Variants in TMPRSS13 observed in about 807,000 individuals in gnomAD.
TMPRSS13 encodes the protein transmembrane serine protease 13.
In TMPRSS13, 50 loss-of-function variants were observed where a neutral mutation model predicts 68.4. The ratio of observed to expected loss-of-function variants is 0.73; its 90% confidence interval spans 0.58 to 0.93. The LOEUF (loss-of-function observed/expected upper bound fraction) is 0.93. TMPRSS13 is among the 40% of genes least tolerant of loss of function. The pLI is 0.00. For missense variants in TMPRSS13, 615 were observed against 729.2 expected (o/e 0.84, Z 1.80); for synonymous variants, 267 against 285.8 (o/e 0.93, Z 0.66).
intron 5 of TMPRSS13, among the ~76,000 whole-genome samples, chr11:117,913,226 T>C (rs1191369092): frequency 3.9e-5 from 6 of 152,216 alleles, no homozygotes; most frequent in Non-Finnish European, 7.3e-5. Context: ...GGAAGGTCAT[T>C]GCTCACCTAC....
chr11:117,904,368 T>C (rs1471409844), intron 10 of TMPRSS13, among the ~76,000 whole-genome samples: 1 of 152,170 alleles, frequency 6.6e-6, no homozygotes, highest in African/African-American at 2.4e-5. Context: ...CACAAGCCTA[T>C]CAGGCTACCC....
intron 9 of TMPRSS13, chr11:117,907,704 G>C (rs773427950): frequency 2.2e-5 from 16 of 721,604 alleles, no homozygotes; most frequent in Non-Finnish European, 2.5e-5. Context: ...TTCCTCTGCT[G>C]AGCTTCCCCT....
In TMPRSS13 at chr11:117,914,751, G is replaced by A. The variant is rs2057558862; in HGVS notation, c.557-237C>T. ...ATTCAAGCAGCCAGCCACCCAGAAAGAGAGAGAAAGAGAGAGAGAGACAGA... is the reference window on the plus strand; with the variant it reads ...ATTCAAGCAGCCAGCCACCCAGAAAAAGAGAGAAAGAGAGAGAGAGACAGA... On this transcript the variant is annotated intron_variant, in intron 3 of 12. Transcript: ENST00000524993. This position sits in a 1 kb window ranked among gnomAD's most constrained non-coding sequence, Gnocchi z 4.2. 6.6e-6 allele frequency among the ~76,000 whole-genome samples: 1 copy of A among 152,064 alleles called. No individual in the cohort carries two copies. Among genetic ancestry groups the A allele is most frequent in the Admixed American group, 6.5e-5 (1 of 15,272 alleles).
chr11:117,909,681 C>G, intron 8 of TMPRSS13, 125 bp downstream of exon 8: 1 of 1,194,630 alleles, frequency 8.4e-7, no homozygotes, highest in Non-Finnish European at 1.2e-6. Context: ...CCAGTGCCAA[C>G]TGGCCCATGG....
chr11:117,921,543 G>A (rs1357124169), intron 1 of TMPRSS13, among the ~76,000 whole-genome samples: 1 of 152,220 alleles, frequency 6.6e-6, no homozygotes, highest in Non-Finnish European at 1.5e-5. Context: ...GGGTGGGCAG[G>A]TGGGGGGAGG....
At chr11:117,904,848 C>A (rs372665712) in intron 10 of TMPRSS13, among the ~76,000 whole-genome samples, 1 of 126,058 alleles carries the variant, frequency 7.9e-6, no homozygotes, top group South Asian at 2.6e-4. Flanking sequence ...CCACTTAGAG[C>A]TCCTAGATAA....
At chr11:117,926,820 C>T (rs780159006) in intron 1 of TMPRSS13, among the ~76,000 whole-genome samples, 2 of 152,056 alleles carry the variant, frequency 1.3e-5, no homozygotes, top group Non-Finnish European at 2.9e-5. Flanking sequence ...AGGAGCCCAC[C>T]CCAAATTCTA....
At chr11:117,903,492 G>A (rs1397043266) in intron 12 of TMPRSS13, 163 bp downstream of exon 12, 1 of 1,542,786 alleles carries the variant, frequency 6.5e-7, no homozygotes, top group East Asian at 2.4e-5. Context: ...AACACAGACA[G>A]CTGGGATTGA....
chr11:117,902,133 C>A lies in TMPRSS13; in HGVS notation c.*106G>T. Reference sequence around the variant, plus strand: ...GCAGCAGACAGTGGAGGTGGGAGTCCGATGGTGCCCGGTGGCCATTAGCCC... The same window carrying A: ...GCAGCAGACAGTGGAGGTGGGAGTCAGATGGTGCCCGGTGGCCATTAGCCC... On this transcript the variant is annotated 3_prime_UTR_variant, in exon 13 of 13. Coordinates refer to ENST00000524993, the MANE Select transcript of TMPRSS13 (RefSeq NM_001077263.3). The A allele has an allele frequency of 7.8e-7, 1 of 1,281,768 alleles. No individual in the cohort carries two copies. The highest frequency in any genetic ancestry group is 1.2e-5 in the South Asian group (1 of 80,324). The allele number at this position is 1,281,768 out of a possible 1,614,324, so 79.4% of individuals were successfully genotyped here. A position where few individuals can be genotyped will look rare whatever the true frequency, so the allele number is the denominator to read the frequency against.
At chr11:117,916,036 C>T (rs1054974976) in intron 3 of TMPRSS13, among the ~76,000 whole-genome samples, 1 of 152,180 alleles carries the variant, frequency 6.6e-6, no homozygotes, top group East Asian at 1.9e-4. Flanking sequence ...GGCACTAAAG[C>T]CTGCTCTGCC....
intron 5 of TMPRSS13, among the ~76,000 whole-genome samples, chr11:117,913,508 G>T (rs1048997084): frequency 6.6e-6 from 1 of 152,184 alleles, no homozygotes; most frequent in Non-Finnish European, 1.5e-5. Context: ...GGATGTGAGC[G>T]TGCTTTGATG....
intron 5 of TMPRSS13, 90 bp from the exon 6 acceptor site, chr11:117,911,950 C>T (rs926329451): frequency 1.5e-5 from 15 of 1,013,618 alleles, no homozygotes; most frequent in South Asian, 1.1e-4. Context: ...CCAGCCCTGC[C>T]GACAGAGGCC....
chr11:117,904,619 G>A lies in TMPRSS13; in HGVS notation c.1382-518C>T, dbSNP rs117381823. On this transcript the variant is annotated intron_variant, in intron 10 of 12. Transcript: ENST00000524993. ...CTGCCTCACGGAGGGAGGGAAAAGCGGTCCTGATGCATGGAAGTGGCCTGA... is the reference window on the plus strand; with the variant it reads ...CTGCCTCACGGAGGGAGGGAAAAGCAGTCCTGATGCATGGAAGTGGCCTGA... 2.4e-3 allele frequency among the ~76,000 whole-genome samples: 363 copies of A among 152,014 alleles called. 12 individuals carry two copies. In the East Asian group the frequency reaches 0.058, roughly 24 times the overall value.
intron 3 of TMPRSS13, among the ~76,000 whole-genome samples, chr11:117,916,897 T>C (rs1183623006): frequency 6.6e-6 from 1 of 152,032 alleles, no homozygotes; most frequent in Non-Finnish European, 1.5e-5. Context: ...CTCAGGGTGG[T>C]TAACTAACTT....
chr11:117,929,000 T>C (rs763805509), intron 1 of TMPRSS13, among the ~76,000 whole-genome samples: 2 of 151,826 alleles, frequency 1.3e-5, no homozygotes, highest in Non-Finnish European at 2.9e-5. Flanking sequence ...CCGGCAGGAG[T>C]GCTCACAGAC....
chr11:117,904,067 G>A lies in TMPRSS13; in HGVS notation c.1416C>T (p.Val472=). 1 of 1,614,118 alleles carries A rather than the reference G, an allele frequency of 6.2e-7. No homozygotes were observed. The highest frequency in any genetic ancestry group is 8.5e-7 in the Non-Finnish European group (1 of 1,180,002). The change falls in exon 11 of 13, where the codon GTC becomes GTT. Residue 472 remains valine (V), a synonymous_variant. Coordinates refer to ENST00000524993, the MANE Select transcript of TMPRSS13 (RefSeq NM_001077263.3). ...KTSPFLREVQ[V]NLIDFKKCND... is the part of the protein sequence containing the mutation. The stretch of plus-strand genomic sequence containing the variant: ...TGCATTTCTTGAAGTCGATGAGATT[G>A]ACCTGCACCTCCCGGAGGAAGGGGG...
intron 2 of TMPRSS13, 40 bp from the exon 3 acceptor site, chr11:117,917,314 A>G: frequency 6.5e-7 from 1 of 1,534,992 alleles, no homozygotes; most frequent in Non-Finnish European, 8.9e-7. Flanking sequence ...GAGGCTGGAG[A>G]GGAGTCCGAC....
In TMPRSS13 at chr11:117,903,744, T is replaced by C; in HGVS notation, c.1588A>G (p.Ser530Gly). The C allele has an allele frequency of 1.2e-6, 2 of 1,613,176 alleles. No individual in the cohort carries two copies. Among genetic ancestry groups the C allele is most frequent in the Non-Finnish European group, 1.7e-6 (2 of 1,179,580 alleles). Residue 530 changes from serine to glycine, a missense_variant, in exon 12 of 13, where the codon AGC (serine) becomes GGC (glycine). Ser to Gly is a moderately conservative substitution (Grantham distance 56, BLOSUM62 0). Coordinates refer to ENST00000524993, the MANE Select transcript of TMPRSS13 (RefSeq NM_001077263.3). ...CTCTGGCCACAGCCTGTGCCCCAGC[T>C]GGTGACACCTGCCAGGTACCAGCGG... is the stretch of plus-strand genomic sequence containing the variant. Reference protein sequence around the residue: ...NNRWYLAGVTSWGTGCGQRNK... With the variant: ...NNRWYLAGVTGWGTGCGQRNK...
intron 1 of TMPRSS13, 132 bp from the exon 2 acceptor site, chr11:117,918,970 A>G (rs2057614922): frequency 3.9e-6 from 5 of 1,293,834 alleles, no homozygotes; most frequent in Non-Finnish European, 4.2e-6. Context: ...CCGGACAAGG[A>G]AGCATCTGAG....
Sources: allele counts gnomAD v4.1 joint callset (sites outside exome capture counted in the v4.1 genomes callset), GRCh38; gene constraint gnomAD v4.1.1; non-coding constraint Gnocchi (gnomAD v3.1); transcripts MANE v1.5; gene names NCBI Gene and HGNC (gene_info 2026-07-23, HGNC 2026-07-21).